The following OR52E4 variants were observed in gnomAD, a reference collection of about 807,000 sequenced individuals.
OR52E4 encodes olfactory receptor family 52 subfamily E member 4, also known as olfactory receptor 52E4.
For missense variants in OR52E4, 444 were observed against 383.8 expected, an observed-to-expected ratio of 1.16 and a Z score of -1.31; for synonymous variants, 169 against 137.4, an observed-to-expected ratio of 1.23 and a Z score of -1.61.
rs1170025445 is a variant in OR52E4, at chr11:5,885,535, A to T, written c.*304A>T. On this transcript the variant is annotated 3_prime_UTR_variant, in exon 2 of 2. Transcript: ENST00000641726. ...GTGATAGGTAGCTCCATTTTTTTCC[A>T]TATGTCTTCTCTCTAGGTAAGTTTA... The T allele has an allele frequency of 4.2e-6, 1 of 240,664 alleles. No individual in the cohort carries two copies. The highest frequency in any genetic ancestry group is 2.3e-5 in the African/African-American group (1 of 44,074). 14.9% of individuals were successfully genotyped at this position (240,664 alleles called of 1,614,324 possible). A position where few individuals can be genotyped will look rare whatever the true frequency, so the allele number is the denominator to read the frequency against.
chr11:5,884,982 C>T lies in OR52E4; in HGVS notation c.690C>T (p.Pro230=). 1 of 1,612,892 alleles carries T rather than the reference C, an allele frequency of 6.2e-7. No homozygotes were observed. Among genetic ancestry groups the T allele is most frequent in the African/African-American group, 1.3e-5 (1 of 74,948 alleles). Residue 230 remains proline (P), a synonymous_variant, in exon 2 of 2, where the codon CCC becomes CCT. Coordinates refer to ENST00000641726, the MANE Select transcript of OR52E4 (RefSeq NM_001005165.2). ...VLILRAVFRL[P]SQDVRLKAFN... is the part of the protein sequence containing the mutation. ...TCCTTAGAGCTGTTTTTCGCCTTCC[C>T]TCTCAAGATGTCCGACTAAAGGCCT...
rs576925355 is a variant in OR52E4, at chr11:5,886,369, C to T, written c.*1138C>T. The stretch of plus-strand genomic sequence containing the variant: ...GGTATTACGGAGACATGTTTTCTCA[C>T]TTGAAGCAAAGTCATTTTAGATGTG... On this transcript the variant is annotated 3_prime_UTR_variant, in exon 2 of 2. Coordinates refer to ENST00000641726, the MANE Select transcript of OR52E4 (RefSeq NM_001005165.2). The T allele has an allele frequency of 2.6e-5, 4 of 151,988 alleles. No homozygotes were observed. The highest frequency in any genetic ancestry group is 4.8e-5 in the African/African-American group (2 of 41,402). The allele number at this position is 151,988 out of a possible 1,614,324, so 9.4% of individuals were successfully genotyped here.
chr11:5,883,012 T>C (rs1166599174), intron 1 of OR52E4, among the ~76,000 whole-genome samples: 1 of 152,096 alleles, frequency 6.6e-6, no homozygotes, highest in Non-Finnish European at 1.5e-5. Flanking sequence ...TTTTCCTTGT[T>C]ATTGTCAAGG....
Position 5,884,790 on chromosome 11 carries a change from GC to G in OR52E4, c.499del (p.Arg167ValfsTer32), listed in dbSNP as rs1365043010. The G allele has an allele frequency of 3.7e-6, 6 of 1,613,492 alleles. No individual in the cohort carries two copies. The highest frequency in any genetic ancestry group is 5.1e-6 in the Non-Finnish European group (6 of 1,179,690). Reference sequence around the variant, plus strand: ...TAACCCCATTTGTGTTTCTCATTCTGCGTCTGCCATTCTGTGGGCATAACAT... The same window carrying G: ...TAACCCCATTTGTGTTTCTCATTCTGGTCTGCCATTCTGTGGGCATAACAT... ...LVTPFVFLIL[R>X]LPFCGHNIVP... On this transcript the variant is annotated frameshift_variant, in exon 2 of 2. Coordinates refer to ENST00000641726, the MANE Select transcript of OR52E4 (RefSeq NM_001005165.2). LOFTEE classifies it low-confidence loss of function (END_TRUNC).
chr11:5,880,868 G>A (rs1298681975), intron 1 of OR52E4, among the ~76,000 whole-genome samples, 154 bp downstream of exon 1: 1 of 30,636 alleles, frequency 3.3e-5, no homozygotes, highest in Non-Finnish European at 6.4e-5. Flanking sequence ...CAGAGCACAT[G>A]GGATTGGTGA....
Position 5,885,083 on chromosome 11 carries a change from G to A in OR52E4, c.791G>A (p.Arg264His), listed in dbSNP as rs140220439. ...GCATTTTTTTCTTTTATGACACATCGTTTTGGCCAAAACATTCCCCACTAT... is the reference window on the plus strand; with the variant it reads ...GCATTTTTTTCTTTTATGACACATCATTTTGGCCAAAACATTCCCCACTAT... ...TPAFFSFMTH[R>H]FGQNIPHYIH... Residue 264 changes from arginine (R) to histidine (H), a missense_variant, in exon 2 of 2, where the codon CGT becomes CAT. Transcript: ENST00000641726. 3.8e-5 allele frequency: 61 copies of A among 1,613,156 alleles called. No homozygotes were observed. The African/African-American group carries it at 6.9e-4, about 18-fold the overall frequency.
chr11:5,884,740 G>C lies in OR52E4; in HGVS notation c.448G>C (p.Val150Leu), dbSNP rs748826069. The change falls in exon 2 of 2, where the codon GTT becomes CTT. Residue 150 changes from valine (V) to leucine (L), a missense_variant. Val to Leu is a conservative substitution (Grantham distance 32, BLOSUM62 1). Transcript: ENST00000641726. Reference sequence around the variant, plus strand: ...AACCATCAGTATCCTAGCTTCTGTGGTTGTTGGAAGAAATTTAGTTCTTGT... The same window carrying C: ...AACCATCAGTATCCTAGCTTCTGTGCTTGTTGGAAGAAATTTAGTTCTTGT... Reference protein sequence around the residue: ...NKTISILASVVVGRNLVLVTP... With the variant: ...NKTISILASVLVGRNLVLVTP... The C allele has an allele frequency of 3.7e-6, 6 of 1,613,618 alleles. No homozygotes were observed. The highest frequency in any genetic ancestry group is 1.7e-5 in the Admixed American group (1 of 59,878).
Position 5,884,216 on chromosome 11 carries a change from C to T in OR52E4, c.-74-3C>T. 1 of 1,022,010 alleles carries T rather than the reference C, an allele frequency of 9.8e-7. No individual in the cohort carries two copies. Among genetic ancestry groups the T allele is most frequent in the South Asian group, 1.5e-5 (1 of 65,718 alleles). 63.3% of individuals were successfully genotyped at this position (1,022,010 alleles called of 1,614,324 possible). ...ACTGATAAGAGTCTTTCTGTTTCTTCAGGAACTTGACAAGAGAGGACCTTA... is the reference window on the plus strand; with the variant it reads ...ACTGATAAGAGTCTTTCTGTTTCTTTAGGAACTTGACAAGAGAGGACCTTA... On this transcript the variant is annotated splice_polypyrimidine_tract_variant and splice_region_variant and intron_variant, in intron 1 of 1. Transcript: ENST00000641726.
chr11:5,881,788 C>T (rs147261333), intron 1 of OR52E4, among the ~76,000 whole-genome samples: 253 of 152,086 alleles, frequency 1.7e-3, no homozygotes, highest in African/African-American at 5.4e-3. Flanking sequence ...AAATAAACCA[C>T]ATTAGTTATA....
chr11:5,884,169 C>T (rs1847000793), intron 1 of OR52E4, 50 bp from the exon 2 acceptor site: 1 of 699,232 alleles, frequency 1.4e-6, no homozygotes. Flanking sequence ...AAATTAACCA[C>T]CTATACCATT....
rs772321679 is a variant in OR52E4 at position 5,884,703 on chromosome 11, C to A, written c.411C>A (p.Ile137=). 2 of 1,613,638 alleles carry A rather than the reference C, an allele frequency of 1.2e-6. No homozygotes were observed. Among genetic ancestry groups the A allele is most frequent in the Non-Finnish European group, 8.5e-7 (1 of 1,179,770 alleles). ...GCAACCCTCTCCAGTACACCATGAT[C>A]CTCACCAATAAAACCATCAGTATCC... is the stretch of plus-strand genomic sequence containing the variant. The part of the protein sequence containing the change: ...AICNPLQYTM[I]LTNKTISILA... Residue 137 remains isoleucine, a synonymous_variant, in exon 2 of 2, where the codon ATC becomes ATA. Transcript: ENST00000641726.
Position 5,884,300 on chromosome 11 carries a change from C to T in OR52E4, c.8C>T (p.Ser3Phe). Residue 3 changes from serine to phenylalanine, a missense_variant, in exon 2 of 2, where the codon TCT becomes TTT. Coordinates refer to ENST00000641726, the MANE Select transcript of OR52E4 (RefSeq NM_001005165.2). ...GTGACACTTGCTGGGAGAATGCCTTCTATCAATGACACCCACTTCTATCCC... is the reference window on the plus strand; with the variant it reads ...GTGACACTTGCTGGGAGAATGCCTTTTATCAATGACACCCACTTCTATCCC... MP[S>F]INDTHFYPPF... The T allele has an allele frequency of 6.2e-7, 1 of 1,605,108 alleles. No individual in the cohort carries two copies. The highest frequency in any genetic ancestry group is 8.5e-7 in the Non-Finnish European group (1 of 1,174,858).
chr11:5,884,523 A>C lies in OR52E4; in HGVS notation c.231A>C (p.Thr77=). Residue 77 remains threonine, a synonymous_variant, in exon 2 of 2, where the codon ACA becomes ACC. Coordinates refer to ENST00000641726, the MANE Select transcript of OR52E4 (RefSeq NM_001005165.2). ...MLSMIDLGLS[T]STIPKMLGIF... is the part of the protein sequence containing the mutation. Reference sequence around the variant, plus strand: ...CTATGATTGATCTGGGTCTGTCCACATCCACTATCCCCAAAATGCTAGGAA... The same window carrying C: ...CTATGATTGATCTGGGTCTGTCCACCTCCACTATCCCCAAAATGCTAGGAA... 6.2e-7 allele frequency: 1 copy of C among 1,613,478 alleles called. No homozygotes were observed. Among genetic ancestry groups the C allele is most frequent in the South Asian group, 1.1e-5 (1 of 91,080 alleles).
Position 5,886,317 on chromosome 11 carries a change from T to G in OR52E4, c.*1086T>G, listed in dbSNP as rs1847043505. On this transcript the variant is annotated 3_prime_UTR_variant, in exon 2 of 2. Transcript: ENST00000641726. Reference sequence around the variant, plus strand: ...CTCTGATAAAGTAAGTCTTTGTGAATTTAGGGATATGAGAGACTACAGTGT... The same window carrying G: ...CTCTGATAAAGTAAGTCTTTGTGAAGTTAGGGATATGAGAGACTACAGTGT... 6.6e-6 allele frequency: 1 copy of G among 152,092 alleles called. No homozygotes were observed. Among genetic ancestry groups the G allele is most frequent in the South Asian group, 2.1e-4 (1 of 4,820 alleles). 9.4% of individuals were successfully genotyped at this position (152,092 alleles called of 1,614,324 possible).
chr11:5,885,148 C>T lies in OR52E4; in HGVS notation c.856C>T (p.Pro286Ser). Residue 286 changes from proline (P) to serine (S), a missense_variant, in exon 2 of 2, where the codon CCT becomes TCT. Coordinates refer to ENST00000641726, the MANE Select transcript of OR52E4 (RefSeq NM_001005165.2). ...GGCTAACCTGTATGTGGTTGTCCCA[C>T]CTGCCCTTAACCCTGTCATTTATGG... is the stretch of plus-strand genomic sequence containing the variant. ...LLANLYVVVP[P>S]ALNPVIYGVR... 4 of 1,613,400 alleles carry T rather than the reference C, an allele frequency of 2.5e-6. No homozygotes were observed. In the East Asian group the frequency reaches 8.9e-5, roughly 36 times the overall value.
chr11:5,884,194 G>C lies in OR52E4; in HGVS notation c.-74-25G>C, dbSNP rs1335060043. On this transcript the variant is annotated intron_variant, in intron 1 of 1. Transcript: ENST00000641726. ...CCTATACCATTACCTCTAGCACACTGATAAGAGTCTTTCTGTTTCTTCAGG... is the reference window on the plus strand; with the variant it reads ...CCTATACCATTACCTCTAGCACACTCATAAGAGTCTTTCTGTTTCTTCAGG... 4.9e-6 allele frequency: 4 copies of C among 823,830 alleles called. No individual in the cohort carries two copies. In the East Asian group the frequency reaches 9.7e-5, roughly 20 times the overall value. The allele number at this position is 823,830 out of a possible 1,614,324, so 51.0% of individuals were successfully genotyped here. A position where few individuals can be genotyped will look rare whatever the true frequency, so the allele number is the denominator to read the frequency against.
At position 5,884,845 on chromosome 11, in the gene OR52E4, G is replaced by A; in HGVS notation, c.553G>A (p.Gly185Ser). 1 of 1,613,342 alleles carries A rather than the reference G, an allele frequency of 6.2e-7. No homozygotes were observed. Among genetic ancestry groups the A allele is most frequent in the South Asian group, 1.1e-5 (1 of 91,054 alleles). ...IVPHTYCEHR[G>S]LAGLACAPIK... ...ACCTCACACATACTGTGAGCACAGG[G>A]GTCTGGCCGGGTTGGCCTGTGCACC... Residue 185 changes from glycine (G) to serine (S), a missense_variant, in exon 2 of 2, where the codon GGT becomes AGT. Gly to Ser is a moderately conservative substitution (Grantham distance 56). Coordinates refer to ENST00000641726, the MANE Select transcript of OR52E4 (RefSeq NM_001005165.2).
chr11:5,883,422 G>T (rs1416239253), intron 1 of OR52E4, among the ~76,000 whole-genome samples: 2 of 151,920 alleles, frequency 1.3e-5, no homozygotes, highest in Non-Finnish European at 2.9e-5. Context: ...ATAAAACATA[G>T]AAAGTGGTAG....
At chr11:5,881,998 A>G (rs1846969177) in intron 1 of OR52E4, among the ~76,000 whole-genome samples, 1 of 152,094 alleles carries the variant, frequency 6.6e-6, no homozygotes, top group African/African-American at 2.4e-5. Context: ...AAAAATCACA[A>G]GTTCAAAATG....
Sources: gnomAD v4.1 joint callset for allele counts (sites outside exome capture counted in the v4.1 genomes callset) on GRCh38, gnomAD v4.1.1 for gene constraint, MANE v1.5 for transcripts, NCBI Gene and HGNC (gene_info 2026-07-23, HGNC 2026-07-21) for gene names.